The following RBFOX1 variants were observed in gnomAD, a reference collection of about 807,000 sequenced individuals.
RBFOX1 encodes the protein RNA binding protein fox-1 homolog 1.
A neutral mutation model predicts 57.7 loss-of-function variants in RBFOX1; 8 were observed. The observed-to-expected ratio is 0.14, with a 90% confidence interval of 0.08 to 0.25. The LOEUF is 0.25. Among genes scored for constraint, RBFOX1 ranks in the 10% least tolerant of loss-of-function variants. The probability of loss-of-function intolerance (pLI) is 1.00; values close to 1 mark genes in which losing one functional copy is unlikely to be tolerated. For synonymous variants in RBFOX1, 326 were observed against 222.4 expected (o/e 1.47, Z -4.15); for missense variants, 611 against 548.5 (o/e 1.11, Z -1.14).
intron 3 of RBFOX1, among the ~76,000 whole-genome samples, chr16:5,764,605 C>G (rs1197882494): frequency 2.0e-5 from 3 of 152,134 alleles, no homozygotes; most frequent in Non-Finnish European, 1.5e-5. Context: ...GGGCCCATCC[C>G]TTGCATGCTG....
intron 3 of RBFOX1, among the ~76,000 whole-genome samples, chr16:5,810,962 CCA>C (rs899826159): frequency 3.1e-4 from 47 of 152,174 alleles, no homozygotes; most frequent in African/African-American, 9.4e-4. Flanking sequence ...GAAACCATCA[CCA>C]CAGTCAGGAT....
intron 4 of RBFOX1, among the ~76,000 whole-genome samples, chr16:7,159,739 C>T (rs916530667): frequency 1.3e-5 from 2 of 152,104 alleles, no homozygotes; most frequent in Non-Finnish European, 2.9e-5. Flanking sequence ...CTGACAAGAC[C>T]CAGAAATTTC....
At chr16:6,291,283 T>G (rs2077441518) in intron 1 of RBFOX1, among the ~76,000 whole-genome samples, 1 of 152,160 alleles carries the variant, frequency 6.6e-6, no homozygotes, top group Admixed American at 6.5e-5. Flanking sequence ...TCAGCCTCAT[T>G]TTACTCCGCT....
At chr16:5,860,091 C>CT (rs946680771) in intron 3 of RBFOX1, among the ~76,000 whole-genome samples, 6 of 151,580 alleles carry the variant, frequency 4.0e-5, no homozygotes, top group African/African-American at 7.3e-5. Flanking sequence ...GTCAGCATTT[C>CT]TTTTTTTTTG....
At chr16:7,237,760 C>T (rs1178991522) in intron 4 of RBFOX1, among the ~76,000 whole-genome samples, 2 of 152,208 alleles carry the variant, frequency 1.3e-5, no homozygotes, top group African/African-American at 4.8e-5. Context: ...AATCCCAACA[C>T]TTTGGGAGGG....
intron 4 of RBFOX1, among the ~76,000 whole-genome samples, chr16:7,077,929 C>T (rs781463539): frequency 6.6e-6 from 1 of 152,132 alleles, no homozygotes; most frequent in African/African-American, 2.4e-5. Context: ...AATGTTTGCT[C>T]AACTCATTAG....
intron 1 of RBFOX1, among the ~76,000 whole-genome samples, chr16:6,165,263 A>G (rs1250475075): frequency 1.3e-5 from 2 of 152,208 alleles, no homozygotes; most frequent in Non-Finnish European, 2.9e-5. Context: ...TTAATAAATG[A>G]CAGCTCATTA....
intron 4 of RBFOX1, among the ~76,000 whole-genome samples, chr16:6,003,211 G>A (rs1208560608): frequency 1.3e-5 from 2 of 151,630 alleles, no homozygotes; most frequent in Non-Finnish European, 2.9e-5. Context: ...ACTGGGAGGC[G>A]GAGCTTCCGG....
intron 1 of RBFOX1, among the ~76,000 whole-genome samples, chr16:5,284,933 C>T (rs1255448626): frequency 1.3e-5 from 2 of 151,474 alleles, no homozygotes; most frequent in African/African-American, 4.9e-5. Flanking sequence ...TCATAATGTG[C>T]CTTGGAGAAG....
intron 2 of RBFOX1, among the ~76,000 whole-genome samples, chr16:6,516,349 T>G (rs2096378155): frequency 6.6e-6 from 1 of 152,246 alleles, no homozygotes; most frequent in Middle Eastern, 3.2e-3. Context: ...CCTCAGTTTC[T>G]TCATCTGTAA....
chr16:5,281,657 G>T (rs190708625), intron 1 of RBFOX1, among the ~76,000 whole-genome samples: 29 of 152,306 alleles, frequency 1.9e-4, no homozygotes, highest in Admixed American at 1.6e-3. Flanking sequence ...TTGCTGAATT[G>T]ATCCCTTTAT....
intron 2 of RBFOX1, among the ~76,000 whole-genome samples, chr16:5,513,299 G>C (rs539124433): frequency 1.3e-5 from 2 of 152,290 alleles, no homozygotes; most frequent in East Asian, 3.9e-4. Flanking sequence ...AGTGGTATCT[G>C]TCTGACGTTT....
chr16:7,317,773 C>G (rs1568182546), intron 4 of RBFOX1, among the ~76,000 whole-genome samples: 3 of 152,320 alleles, frequency 2.0e-5, no homozygotes, highest in East Asian at 3.9e-4. Context: ...CTCCAACTAG[C>G]TCTATGGGCA....
intron 1 of RBFOX1, among the ~76,000 whole-genome samples, chr16:6,220,411 G>A (rs921093032): frequency 1.3e-5 from 2 of 152,132 alleles, no homozygotes; most frequent in African/African-American, 4.8e-5. Context: ...TGACACTGGA[G>A]GGATTGAAAC....
In RBFOX1 at chr16:7,402,562, G is replaced by A. The variant is rs113175707; in HGVS notation, c.28-115585G>A. ...CAGACTTCAAAGTATGTGAACTTTG[G>A]TAGTGGAAAGATGATTATTCCTTGG... On this transcript the variant is annotated intron_variant, in intron 4 of 15. Coordinates refer to ENST00000550418, the MANE Select transcript of RBFOX1 (RefSeq NM_018723.4). Among the ~76,000 whole-genome samples, 642 of 152,268 alleles carry A rather than the reference G, an allele frequency of 4.2e-3. 4 individuals are homozygous for A. The highest frequency in any genetic ancestry group is 0.015 in the African/African-American group (614 of 41,562).
At chr16:5,511,517 C>G (rs1263733965) in intron 2 of RBFOX1, among the ~76,000 whole-genome samples, 6 of 152,122 alleles carry the variant, frequency 3.9e-5, no homozygotes, top group Non-Finnish European at 8.8e-5. Context: ...ATCACTTTAC[C>G]AGCATCATCT....
At chr16:5,594,826 GTATT>G (rs1416053172) in intron 2 of RBFOX1, among the ~76,000 whole-genome samples, 1 of 151,942 alleles carries the variant, frequency 6.6e-6, no homozygotes, top group Non-Finnish European at 1.5e-5. Context: ...GTCTATGTAA[GTATT>G]TATATACACA....
intron 3 of RBFOX1, among the ~76,000 whole-genome samples, chr16:6,689,042 G>C (rs1031937761): frequency 2.6e-5 from 4 of 152,148 alleles, no homozygotes; most frequent in African/African-American, 7.2e-5. Context: ...TATTATTGAT[G>C]GGCATTTGGG....
intron 4 of RBFOX1, among the ~76,000 whole-genome samples, chr16:7,102,028 A>T (rs1194929579): frequency 6.6e-6 from 1 of 152,122 alleles, no homozygotes; most frequent in Non-Finnish European, 1.5e-5. Flanking sequence ...TACATAAGCT[A>T]CCAGTGTTTG....
Sources: gnomAD v4.1 joint callset for allele counts (sites outside exome capture counted in the v4.1 genomes callset) on GRCh38, gnomAD v4.1.1 for gene constraint, MANE v1.5 for transcripts, NCBI Gene and HGNC (gene_info 2026-07-23, HGNC 2026-07-21) for gene names.